GABBR1: variants seen among roughly 807,000 people sequenced by gnomAD.
GABBR1 encodes GABA-B receptor, R1 subunit.
Under a neutral mutation model 117.7 loss-of-function variants are expected in GABBR1, and 35 were observed. The observed-to-expected ratio is 0.30, with a 90% CI of 0.23 to 0.39. The LOEUF (loss-of-function observed/expected upper bound fraction) is 0.39. Among genes scored for constraint, GABBR1 ranks in the 10% least tolerant of loss-of-function variants. The pLI, the probability that GABBR1 is intolerant of heterozygous loss-of-function variation, is 1.00. For synonymous variants in GABBR1, 442 were observed against 486.6 expected, an observed-to-expected ratio of 0.91 and a Z score of 1.21; for missense variants, 709 against 1,241.8, an observed-to-expected ratio of 0.57 and a Z score of 6.45.
rs755809131 is a variant in GABBR1, at chr6:29,631,465, C to G, written c.220G>C (p.Val74Leu). Residue 74 changes from valine to leucine, a missense_variant, in exon 3 of 23, where the codon GTG becomes CTG. Transcript: ENST00000377034. The surrounding 1 kb of genome is among the most constrained non-coding windows in gnomAD (Gnocchi z 5.9). ...EYVCRGEREVVGPKVRKCLAN... is the reference protein window; with the variant it reads ...EYVCRGEREVLGPKVRKCLAN... ...AGGCACTTGCGGACCTTGGGCCCCA[C>G]CACCTCGCGCTCCCCCCGGCACACA... is the stretch of plus-strand genomic sequence containing the variant. 10 of 1,614,138 alleles carry G rather than the reference C, an allele frequency of 6.2e-6. No individual in the cohort carries two copies. The highest frequency in any genetic ancestry group is 8.5e-6 in the Non-Finnish European group (10 of 1,180,024).
rs1307557531 is a variant in GABBR1, at chr6:29,622,025, T to C, written c.1065+79A>G. ...CAGAGAATCAAAACCTGCCCCCGCC[T>C]GGCTTTCCTCTCCAACCAGTCACTG... On this transcript the variant is annotated intron_variant, in intron 9 of 22. Coordinates refer to ENST00000377034, the MANE Select transcript of GABBR1 (RefSeq NM_001470.4). This position sits in a 1 kb window ranked among gnomAD's most constrained non-coding sequence, Gnocchi z 4.6. 3.4e-5 allele frequency: 45 copies of C among 1,319,940 alleles called. No homozygotes were observed. Among genetic ancestry groups the C allele is most frequent in the Non-Finnish European group, 4.6e-5 (42 of 918,820 alleles). The allele number at this position is 1,319,940 out of a possible 1,614,324, so 81.8% of individuals were successfully genotyped here.
In GABBR1 at chr6:29,613,236, A is replaced by T; in HGVS notation, c.1566+7T>A. ...GACAGGGGAGTATGAAGGAAGTTTT[A>T]ACTCACAGAGACACCCTCAAAGGAC... On this transcript the variant is annotated splice_region_variant and intron_variant, in intron 12 of 22. Transcript: ENST00000377034. The surrounding 1 kb of genome is among the most constrained non-coding windows in gnomAD (Gnocchi z 4.1). 1 of 1,612,038 alleles carries T rather than the reference A, an allele frequency of 6.2e-7. No homozygotes were observed. The highest frequency in any genetic ancestry group is 8.5e-7 in the Non-Finnish European group (1 of 1,179,128).
chr6:29,621,914 G>C lies in GABBR1; in HGVS notation c.1066-97C>G. The C allele has an allele frequency of 7.8e-7, 1 of 1,284,002 alleles. No homozygotes were observed. Among genetic ancestry groups the C allele is most frequent in the Non-Finnish European group, 1.1e-6 (1 of 888,156 alleles). The allele number at this position is 1,284,002 out of a possible 1,614,324, so 79.5% of individuals were successfully genotyped here. ...CAGCTTTGATTTCCCATCCCAAAGTGCTTAGTGCAGGGTAACGCTCAACGT... is the reference window on the plus strand; with the variant it reads ...CAGCTTTGATTTCCCATCCCAAAGTCCTTAGTGCAGGGTAACGCTCAACGT... On this transcript the variant is annotated intron_variant, in intron 9 of 22. Coordinates refer to ENST00000377034, the MANE Select transcript of GABBR1 (RefSeq NM_001470.4). This position sits in a 1 kb window ranked among gnomAD's most constrained non-coding sequence, Gnocchi z 5.0.
intron 6 of GABBR1, chr6:29,624,244 C>G (rs1479096695): frequency 2.1e-6 from 1 of 480,460 alleles, no homozygotes; most frequent in Non-Finnish European, 3.7e-6. Flanking sequence ...GGAGCCTTAC[C>G]CATCACCTCT....
chr6:29,621,428 G>C lies in GABBR1; in HGVS notation c.1132-136C>G, dbSNP rs1763738262. 1 of 734,670 alleles carries C rather than the reference G, an allele frequency of 1.4e-6. No individual in the cohort carries two copies. The highest frequency in any genetic ancestry group is 3.0e-5 in the Admixed American group (1 of 33,826). The allele number at this position is 734,670 out of a possible 1,614,324, so 45.5% of individuals were successfully genotyped here. A position where few individuals can be genotyped will look rare whatever the true frequency, so the allele number is the denominator to read the frequency against. On this transcript the variant is annotated intron_variant, in intron 10 of 22. Transcript: ENST00000377034. This position sits in a 1 kb window ranked among gnomAD's most constrained non-coding sequence, Gnocchi z 5.0. ...AAAAAGAGAAATCTACAAGTCTTGG[G>C]GATAGTAGGAAAGGCTGACAATTCT... is the stretch of plus-strand genomic sequence containing the variant.
chr6:29,632,225 A>C lies in GABBR1; in HGVS notation c.85+76T>G, dbSNP rs1373780266. 2.2e-6 allele frequency: 2 copies of C among 889,668 alleles called. No individual in the cohort carries two copies. Among genetic ancestry groups the C allele is most frequent in the Non-Finnish European group, 3.2e-6 (2 of 620,422 alleles). The allele number at this position is 889,668 out of a possible 1,614,324, so 55.1% of individuals were successfully genotyped here. A position where few individuals can be genotyped will look rare whatever the true frequency, so the allele number is the denominator to read the frequency against. On this transcript the variant is annotated intron_variant, in intron 2 of 22. Transcript: ENST00000377034. This position sits in a 1 kb window ranked among gnomAD's most constrained non-coding sequence, Gnocchi z 5.8. ...ATGTGGGACTGATGGGATAGTGATG[A>C]GGACCAGAAATGAGGAGATGCAGGG...
In GABBR1 at chr6:29,621,311, G is replaced by A; in HGVS notation, c.1132-19C>T. On this transcript the variant is annotated intron_variant, in intron 10 of 22. Transcript: ENST00000377034. The surrounding 1 kb of genome is among the most constrained non-coding windows in gnomAD (Gnocchi z 5.0). ...TGTACACCTGAATACAGAGGAGAAT[G>A]GCTGAGTTTTTGTTTGCTCATTTGT... 2 of 1,600,682 alleles carry A rather than the reference G, an allele frequency of 1.2e-6. No individual in the cohort carries two copies. Among genetic ancestry groups the A allele is most frequent in the Non-Finnish European group, 1.7e-6 (2 of 1,172,418 alleles).
In GABBR1 at chr6:29,606,707, C is replaced by A; in HGVS notation, c.2217+190G>T. On this transcript the variant is annotated intron_variant, in intron 18 of 22. Coordinates refer to ENST00000377034, the MANE Select transcript of GABBR1 (RefSeq NM_001470.4). This position sits in a 1 kb window ranked among gnomAD's most constrained non-coding sequence, Gnocchi z 4.5. ...ACACACCCTTCCCAGATTCCCACCC[C>A]TTCCTTTCTTCAGCTGAATCTGGAG... is the stretch of plus-strand genomic sequence containing the variant. 1 of 634,866 alleles carries A rather than the reference C, an allele frequency of 1.6e-6. No individual in the cohort carries two copies. The highest frequency in any genetic ancestry group is 2.7e-6 in the Non-Finnish European group (1 of 364,016). 39.3% of individuals were successfully genotyped at this position (634,866 alleles called of 1,614,324 possible). A position where few individuals can be genotyped will look rare whatever the true frequency, so the allele number is the denominator to read the frequency against.
rs1480617436 is a variant in GABBR1 at position 29,628,163 on chromosome 6, G to C, written c.497-517C>G. The C allele has an allele frequency of 8.9e-6, 6 of 673,846 alleles. No individual in the cohort carries two copies. In the East Asian group the frequency reaches 6.7e-4, roughly 76 times the overall value. 41.7% of individuals were successfully genotyped at this position (673,846 alleles called of 1,614,324 possible). ...GGGCGGGGAGGGAAGCGAGCGCCGAGGTGGGAGCGACAGTCGGAGGGGCGG... is the reference window on the plus strand; with the variant it reads ...GGGCGGGGAGGGAAGCGAGCGCCGACGTGGGAGCGACAGTCGGAGGGGCGG... On this transcript the variant is annotated intron_variant, in intron 5 of 22. Coordinates refer to ENST00000377034, the MANE Select transcript of GABBR1 (RefSeq NM_001470.4).
At position 29,627,446 on chromosome 6, in the gene GABBR1, C is replaced by G; in HGVS notation, c.657+40G>C. ...TGCAGCTGGCTGGCCCCCTGCCCCG[C>G]AAGCCCCCACCTCCCACCCACCCCC... On this transcript the variant is annotated intron_variant, in intron 6 of 22. Coordinates refer to ENST00000377034, the MANE Select transcript of GABBR1 (RefSeq NM_001470.4). The surrounding 1 kb of genome is among the most constrained non-coding windows in gnomAD (Gnocchi z 4.4). 7.5e-7 allele frequency: 1 copy of G among 1,335,588 alleles called. No homozygotes were observed. The highest frequency in any genetic ancestry group is 2.1e-4 in the Middle Eastern group (1 of 4,720). The allele number at this position is 1,335,588 out of a possible 1,614,324, so 82.7% of individuals were successfully genotyped here.
Position 29,606,739 on chromosome 6 carries a change from GA to G in GABBR1, c.2217+157del. 1.5e-6 allele frequency: 1 copy of G among 673,256 alleles called. No individual in the cohort carries two copies. The highest frequency in any genetic ancestry group is 2.5e-6 in the Non-Finnish European group (1 of 393,444). The allele number at this position is 673,256 out of a possible 1,614,324, so 41.7% of individuals were successfully genotyped here. A position where few individuals can be genotyped will look rare whatever the true frequency, so the allele number is the denominator to read the frequency against. ...TCTTCAGCTGAATCTGGAGGCCTAT[GA>G]GGGGCTCCTTCTAGGAAGGAAAGGA... On this transcript the variant is annotated intron_variant, in intron 18 of 22. Transcript: ENST00000377034. The surrounding 1 kb of genome is among the most constrained non-coding windows in gnomAD (Gnocchi z 4.5).
intron 13 of GABBR1, among the ~76,000 whole-genome samples, chr6:29,612,141 A>G (rs2057011): frequency 0.098 from 14,838 of 150,882 alleles, 852 homozygotes; most frequent in Middle Eastern, 0.22. Context: ...AGCTGGGACT[A>G]CAGGCACCTG....
Position 29,606,987 on chromosome 6 carries a change from C to T in GABBR1, c.2127G>A (p.Lys709=). 1 of 1,614,230 alleles carries T rather than the reference C, an allele frequency of 6.2e-7. No homozygotes were observed. Among genetic ancestry groups the T allele is most frequent in the African/African-American group, 1.3e-5 (1 of 75,070 alleles). ...KEWRKTLEPW[K]LYATVGLLVG... ...CCAGCAGGCCCACTGTGGCATACAGCTTCCAGGGTTCCAGAGTCTGGATAA... is the reference window on the plus strand; with the variant it reads ...CCAGCAGGCCCACTGTGGCATACAGTTTCCAGGGTTCCAGAGTCTGGATAA... The change falls in exon 18 of 23, where the codon AAG becomes AAA. Residue 709 remains lysine, a synonymous_variant. Transcript: ENST00000377034. The surrounding 1 kb of genome is among the most constrained non-coding windows in gnomAD (Gnocchi z 4.5).
At position 29,628,986 on chromosome 6, in the gene GABBR1, G is replaced by C. The variant is rs546455858; in HGVS notation, c.496+101C>G. 82 of 1,411,396 alleles carry C rather than the reference G, an allele frequency of 5.8e-5. No individual in the cohort carries two copies. In the African/African-American group the frequency reaches 8.6e-4, roughly 15 times the overall value. 87.4% of individuals were successfully genotyped at this position (1,411,396 alleles called of 1,614,324 possible). Reference sequence around the variant, plus strand: ...GGGTGGGTTGGGGAAGGTGCGAAAGGACGACGCCCCGTAGCCTAAGGGCAG... The same window carrying C: ...GGGTGGGTTGGGGAAGGTGCGAAAGCACGACGCCCCGTAGCCTAAGGGCAG... On this transcript the variant is annotated intron_variant, in intron 5 of 22. Coordinates refer to ENST00000377034, the MANE Select transcript of GABBR1 (RefSeq NM_001470.4).
Position 29,631,398 on chromosome 6 carries a change from C to G in GABBR1, c.287G>C (p.Cys96Ser). The G allele has an allele frequency of 6.2e-7, 1 of 1,613,974 alleles. No individual in the cohort carries two copies. Residue 96 changes from cysteine (C) to serine (S), a missense_variant and splice_region_variant, in exon 3 of 23, where the codon TGT becomes TCT. Cys to Ser is a moderately radical substitution (Grantham distance 112, BLOSUM62 -1). Coordinates refer to ENST00000377034, the MANE Select transcript of GABBR1 (RefSeq NM_001470.4). This position sits in a 1 kb window ranked among gnomAD's most constrained non-coding sequence, Gnocchi z 5.9. ...GAGGGGCTTCCGAGGCTACTCACCA[C>G]AGCGGCTGGGTGTGTCCATATCTGT... ...SWTDMDTPSR[C>S]VRICSKSYLT... is the part of the protein sequence containing the mutation.
In GABBR1 at chr6:29,628,000, C is replaced by A. The variant is rs890406841; in HGVS notation, c.497-354G>T. On this transcript the variant is annotated intron_variant, in intron 5 of 22. Coordinates refer to ENST00000377034, the MANE Select transcript of GABBR1 (RefSeq NM_001470.4). This position sits in a 1 kb window ranked among gnomAD's most constrained non-coding sequence, Gnocchi z 4.4. Reference sequence around the variant, plus strand: ...ACCGTCGCCGCCACCGCGGACTCTCCTCGCGGACTGACTGACCGACGGAGG... The same window carrying A: ...ACCGTCGCCGCCACCGCGGACTCTCATCGCGGACTGACTGACCGACGGAGG... 5 of 1,321,018 alleles carry A rather than the reference C, an allele frequency of 3.8e-6. No individual in the cohort carries two copies. 81.8% of individuals were successfully genotyped at this position (1,321,018 alleles called of 1,614,324 possible).
Position 29,607,349 on chromosome 6 carries a change from T to A in GABBR1, c.1993-131A>T. 1 of 709,386 alleles carries A rather than the reference T, an allele frequency of 1.4e-6. No homozygotes were observed. The highest frequency in any genetic ancestry group is 2.6e-5 in the East Asian group (1 of 38,360). The allele number at this position is 709,386 out of a possible 1,614,324, so 43.9% of individuals were successfully genotyped here. A position where few individuals can be genotyped will look rare whatever the true frequency, so the allele number is the denominator to read the frequency against. The stretch of plus-strand genomic sequence containing the variant: ...GGAGCTCATGGTGGCACAGGGAGGA[T>A]GCGAAAATGTGAGCAGGACGGGGAG... On this transcript the variant is annotated intron_variant, in intron 16 of 22. Transcript: ENST00000377034. This position sits in a 1 kb window ranked among gnomAD's most constrained non-coding sequence, Gnocchi z 5.0.
Position 29,605,357 on chromosome 6 carries a change from T to A in GABBR1, c.2439+212A>T. The A allele has an allele frequency of 1.6e-6, 1 of 619,828 alleles. No individual in the cohort carries two copies. The highest frequency in any genetic ancestry group is 2.8e-6 in the Non-Finnish European group (1 of 355,396). 38.4% of individuals were successfully genotyped at this position (619,828 alleles called of 1,614,324 possible). ...CTCACCTATAAAGTGGGGATACTAA[T>A]ATCTACTTCACTGGGTAGTTGCAAG... is the stretch of plus-strand genomic sequence containing the variant. On this transcript the variant is annotated intron_variant, in intron 20 of 22. Transcript: ENST00000377034. This position sits in a 1 kb window ranked among gnomAD's most constrained non-coding sequence, Gnocchi z 4.2.
Position 29,631,542 on chromosome 6 carries a change from C to T in GABBR1, c.143G>A (p.Arg48Gln). Residue 48 changes from arginine (R) to glutamine (Q), a missense_variant, in exon 3 of 23, where the codon CGG (arginine) becomes CAG (glutamine). Transcript: ENST00000377034. The surrounding 1 kb of genome is among the most constrained non-coding windows in gnomAD (Gnocchi z 5.9). Reference sequence around the variant, plus strand: ...GAAGTTGATAGCCTTCACCTGGTCCCGAGTCAGGCCCCGGTACCTGATGCC... The same window carrying T: ...GAAGTTGATAGCCTTCACCTGGTCCTGAGTCAGGCCCCGGTACCTGATGCC... Reference protein sequence around the residue: ...EGGIRYRGLTRDQVKAINFLP... With the variant: ...EGGIRYRGLTQDQVKAINFLP... 3 of 1,614,184 alleles carry T rather than the reference C, an allele frequency of 1.9e-6. No homozygotes were observed. Among genetic ancestry groups the T allele is most frequent in the Non-Finnish European group, 2.5e-6 (3 of 1,180,034 alleles).
Sources: gnomAD v4.1 joint callset for allele counts (sites outside exome capture counted in the v4.1 genomes callset) on GRCh38, gnomAD v4.1.1 for gene constraint, Gnocchi (gnomAD v3.1) non-coding constraint, MANE v1.5 for transcripts, NCBI Gene and HGNC (gene_info 2026-07-23, HGNC 2026-07-21) for gene names.